Variants in PCDHGA2 observed in about 807,000 individuals in gnomAD.
The protein encoded by PCDHGA2 is protocadherin gamma-A2.
Under a neutral mutation model 59.2 loss-of-function variants are expected in PCDHGA2, and 40 were observed. That is an observed-to-expected ratio of 0.68 (90% CI 0.52 to 0.88). The LOEUF (loss-of-function observed/expected upper bound fraction) is 0.88. PCDHGA2 is among the 40% of genes least tolerant of loss of function. PCDHGA2 has a pLI of 0.00. For synonymous variants in PCDHGA2, 560 were observed against 526.0 expected (o/e 1.06, Z -0.89); for missense variants, 1,226 against 1,204.0 (o/e 1.02, Z -0.27).
At chr5:141,355,378 G>C (rs371945703) in intron 1 of PCDHGA2, 50 of 1,613,924 alleles carry the variant, frequency 3.1e-5, no homozygotes, top group Non-Finnish European at 4.1e-5. Context: ...CCGGGAGCTG[G>C]CGGAGCGCGG....
intron 1 of PCDHGA2, chr5:141,421,172 G>T: frequency 7.3e-7 from 1 of 1,366,164 alleles, no homozygotes. Flanking sequence ...AGATACATAA[G>T]CCGATTCACA....
At chr5:141,404,176 A>C (rs763166170) in intron 1 of PCDHGA2, 2 of 1,613,206 alleles carry the variant, frequency 1.2e-6, no homozygotes, top group African/African-American at 2.7e-5. Context: ...TGACGGCCCA[A>C]ATTCTTGACC....
intron 1 of PCDHGA2, among the ~76,000 whole-genome samples, chr5:141,373,419 A>G (rs562017784): frequency 6.6e-6 from 1 of 152,336 alleles, no homozygotes; most frequent in African/African-American, 2.4e-5. Flanking sequence ...GCTACTCGGG[A>G]GGCTGAGGTG....
chr5:141,438,627 T>C (rs55817844), intron 1 of PCDHGA2, among the ~76,000 whole-genome samples: 510 of 47,978 alleles, frequency 0.011, 3 homozygotes, highest in Admixed American at 0.017. Context: ...TATATATATA[T>C]ATATATATAC....
intron 1 of PCDHGA2, among the ~76,000 whole-genome samples, chr5:141,456,179 A>G (rs1161415053): frequency 6.6e-6 from 1 of 151,860 alleles, no homozygotes; most frequent in Non-Finnish European, 1.5e-5. Context: ...TTACAGAATA[A>G]TTTCTTAATA....
At chr5:141,449,796 A>G (rs1358409274) in intron 1 of PCDHGA2, among the ~76,000 whole-genome samples, 2 of 151,590 alleles carry the variant, frequency 1.3e-5, no homozygotes, top group Admixed American at 6.6e-5. Context: ...TTATTCCTAA[A>G]TACCTCATTG....
intron 2 of PCDHGA2, among the ~76,000 whole-genome samples, chr5:141,503,797 G>A (rs2099831309): frequency 6.6e-6 from 1 of 152,006 alleles, no homozygotes; most frequent in South Asian, 2.1e-4. Context: ...ATCTACTTAG[G>A]GACGGGGAAT....
At chr5:141,448,074 G>A (rs1008235342) in intron 1 of PCDHGA2, among the ~76,000 whole-genome samples, 3 of 151,152 alleles carry the variant, frequency 2.0e-5, no homozygotes, top group Admixed American at 1.3e-4. Context: ...CAACATGAAC[G>A]AAATGCCATC....
At chr5:141,371,887 C>T (rs372336757) in intron 1 of PCDHGA2, 2 of 1,613,424 alleles carry the variant, frequency 1.2e-6, no homozygotes, top group African/African-American at 1.3e-5. Flanking sequence ...GACCTGGAGC[C>T]GCGGGAGCTG....
At chr5:141,467,018 CTTTGT>C (rs1209768587) in intron 1 of PCDHGA2, among the ~76,000 whole-genome samples, 4 of 149,992 alleles carry the variant, frequency 2.7e-5, no homozygotes, top group African/African-American at 7.3e-5. Context: ...ATTTTTTTCC[CTTTGT>C]TTTTGTTTTT....
intron 1 of PCDHGA2, chr5:141,362,040 G>A (rs760170186): frequency 3.1e-6 from 5 of 1,610,444 alleles, no homozygotes; most frequent in Non-Finnish European, 3.4e-6. Flanking sequence ...TGGGCGACAG[G>A]GACGCGGCCC....
chr5:141,480,414 CA>C (rs10712552), intron 1 of PCDHGA2, among the ~76,000 whole-genome samples: 43,347 of 147,074 alleles, frequency 0.29, 6,620 homozygotes, highest in African/African-American at 0.4. Flanking sequence ...GACCCTGTCT[CA>C]AAAAAAAAAA....
intron 1 of PCDHGA2, among the ~76,000 whole-genome samples, chr5:141,473,380 G>A (rs1363453338): frequency 6.6e-6 from 1 of 152,204 alleles, no homozygotes; most frequent in African/African-American, 2.4e-5. Context: ...CATGGTCCCT[G>A]CCCTCCTGGA....
chr5:141,384,962 A>G (rs1303034041), intron 1 of PCDHGA2: 1 of 1,613,130 alleles, frequency 6.2e-7, no homozygotes, highest in East Asian at 2.2e-5. Flanking sequence ...TACAACTATG[A>G]CCTCACGTTG....
intron 1 of PCDHGA2, chr5:141,478,025 A>G (rs939969624): frequency 1.9e-6 from 3 of 1,614,146 alleles, no homozygotes; most frequent in Non-Finnish European, 2.5e-6. Flanking sequence ...AGTCCAAGAC[A>G]CAGATTCACC....
intron 1 of PCDHGA2, chr5:141,441,578 C>T (rs889509502): frequency 2.9e-5 from 6 of 207,738 alleles, no homozygotes; most frequent in Non-Finnish European, 5.9e-5. Flanking sequence ...CCAACCTAGA[C>T]TTGGGACCCA....
chr5:141,346,022 C>T (rs962698210), intron 1 of PCDHGA2: 2 of 1,613,466 alleles, frequency 1.2e-6, no homozygotes, highest in Admixed American at 1.7e-5. Context: ...TCACCGTGGC[C>T]GTGGCCGACA....
intron 1 of PCDHGA2, chr5:141,370,955 T>C (rs780139792): frequency 7.4e-6 from 12 of 1,613,996 alleles, no homozygotes; most frequent in South Asian, 4.4e-5. Flanking sequence ...AGAACCTGGA[T>C]GGCAGTAGGT....
chr5:141,352,800 G>A (rs1410243639), intron 1 of PCDHGA2: 9 of 919,340 alleles, frequency 9.8e-6, no homozygotes, highest in South Asian at 3.4e-5. Context: ...GACCAGCATA[G>A]CCAAGATGGT....
Sources: gnomAD v4.1 joint callset for allele counts (sites outside exome capture counted in the v4.1 genomes callset) on GRCh38, gnomAD v4.1.1 for gene constraint, MANE v1.5 for transcripts, NCBI Gene and HGNC (gene_info 2026-07-23, HGNC 2026-07-21) for gene names.